CHD7: variants seen among roughly 807,000 people sequenced by gnomAD.
The protein encoded by CHD7 is chromodomain helicase DNA binding protein 7, also known as ATP-dependent chromatin remodeler CHD7.
Under a neutral mutation model 307.3 loss-of-function variants are expected in CHD7, and 24 were observed. That is an observed-to-expected ratio of 0.08 (90% CI 0.06 to 0.11). The LOEUF (loss-of-function observed/expected upper bound fraction) is 0.11. CHD7 is among the 10% of genes least tolerant of loss of function. The probability of loss-of-function intolerance (pLI) is 1.00; values close to 1 mark genes in which losing one functional copy is unlikely to be tolerated. For synonymous variants in CHD7, 1,363 were observed against 1,349.9 expected (o/e 1.01, Z -0.21); for missense variants, 3,106 against 3,727.1 (o/e 0.83, Z 4.34).
chr8:60,679,082 G>T lies in CHD7; in HGVS notation c.-175G>T. ...GGCAGCGGAGGAGCCCGACCGACCC[G>T]GTGAGCGCGAGAGTTCGCCCGGCGC... On this transcript the variant is annotated splice_region_variant and 5_prime_UTR_variant, in exon 1 of 38. Coordinates refer to ENST00000423902, the MANE Select transcript of CHD7 (RefSeq NM_017780.4). 1 of 153,020 alleles carries T rather than the reference G, an allele frequency of 6.5e-6. No individual in the cohort carries two copies. The highest frequency in any genetic ancestry group is 1.8e-4 in the South Asian group (1 of 5,622). The allele number at this position is 153,020 out of a possible 1,614,324, so 9.5% of individuals were successfully genotyped here. A position where few individuals can be genotyped will look rare whatever the true frequency, so the allele number is the denominator to read the frequency against.
chr8:60,682,858 A>G (rs1255006890), intron 1 of CHD7, among the ~76,000 whole-genome samples: 1 of 152,264 alleles, frequency 6.6e-6, no homozygotes, highest in African/African-American at 2.4e-5. Flanking sequence ...ATGTTTAGTC[A>G]GGTCTGAGCA....
rs372889781 is a variant in CHD7 at position 60,865,657 on chromosome 8, C to T, written c.8718C>T (p.Ser2906=). ...STMAPGLFYP[S]MFLPPGLGGL... ...TGGCCCCGGGCCTCTTCTACCCATC[C>T]ATGTTTCTACCTCCAGGACTGGGGG... Residue 2906 remains serine (S), a synonymous_variant, in exon 38 of 38, where the codon TCC becomes TCT. Coordinates refer to ENST00000423902, the MANE Select transcript of CHD7 (RefSeq NM_017780.4). The surrounding 1 kb of genome is among the most constrained non-coding windows in gnomAD (Gnocchi z 4.3). 233 of 1,608,540 alleles carry T rather than the reference C, an allele frequency of 1.4e-4. No homozygotes were observed. Among genetic ancestry groups the T allele is most frequent in the Non-Finnish European group, 1.8e-4 (213 of 1,176,052 alleles).
chr8:60,720,695 C>G (rs1196549537), intron 1 of CHD7, among the ~76,000 whole-genome samples: 1 of 152,224 alleles, frequency 6.6e-6, no homozygotes, highest in East Asian at 1.9e-4. Flanking sequence ...AAAGCAGTCT[C>G]AGGGATTATT....
rs1315843946 is a variant in CHD7 at position 60,749,462 on chromosome 8, G to A, written c.1665+6365G>A. 2.0e-5 allele frequency among the ~76,000 whole-genome samples: 3 copies of A among 151,464 alleles called. No individual in the cohort carries two copies. In the East Asian group the frequency reaches 5.8e-4, roughly 29 times the overall value. ...AGTAAATTTATGGAAAAAGGTGGCTGTGTTTCTTAAGGATTACGTATGCAG... is the reference window on the plus strand; with the variant it reads ...AGTAAATTTATGGAAAAAGGTGGCTATGTTTCTTAAGGATTACGTATGCAG... On this transcript the variant is annotated intron_variant, in intron 2 of 37. Transcript: ENST00000423902.
chr8:60,790,370 A>G (rs11993896), intron 3 of CHD7, among the ~76,000 whole-genome samples: 118,482 of 152,114 alleles, frequency 0.78, 46,364 homozygotes, highest in East Asian at 0.94. Context: ...ATTATCAGTA[A>G]TGATGTGAGA....
chr8:60,767,034 A>G (rs1194639270), intron 2 of CHD7, among the ~76,000 whole-genome samples: 1 of 152,166 alleles, frequency 6.6e-6, no homozygotes, highest in African/African-American at 2.4e-5. Flanking sequence ...AGCCTGGAAG[A>G]TAGGAGGAGA....
intron 1 of CHD7, among the ~76,000 whole-genome samples, chr8:60,696,268 GA>G (rs1806461975): frequency 6.6e-6 from 1 of 152,144 alleles, no homozygotes; most frequent in Admixed American, 6.5e-5. Flanking sequence ...AAGACTAGGG[GA>G]AATACATCAA....
At position 60,865,234 on chromosome 8, in the gene CHD7, G is replaced by C. The variant is rs375083875; in HGVS notation, c.8295G>C (p.Gln2765His). The C allele has an allele frequency of 2.5e-6, 4 of 1,608,570 alleles. No homozygotes were observed. The African/African-American group carries it at 5.3e-5, about 21-fold the overall frequency. Residue 2765 changes from glutamine (Q) to histidine (H), a missense_variant, in exon 38 of 38, where the codon CAG becomes CAC. This residue lies in a region of CHD7 where 351 missense variants were observed against 366.2 expected (regional missense o/e 0.96). Coordinates refer to ENST00000423902, the MANE Select transcript of CHD7 (RefSeq NM_017780.4). This position sits in a 1 kb window ranked among gnomAD's most constrained non-coding sequence, Gnocchi z 4.3. Reference protein sequence around the residue: ...LTSLQNLQNLQSLQLAGLMGF... With the variant: ...LTSLQNLQNLHSLQLAGLMGF... ...GCCTTCAGAATCTCCAGAATCTCCA[G>C]TCGCTCCAGCTGGCAGGCCTCATGG...
chr8:60,797,879 C>T (rs1812106021), intron 4 of CHD7, among the ~76,000 whole-genome samples: 1 of 152,194 alleles, frequency 6.6e-6, no homozygotes, highest in African/African-American at 2.4e-5. Flanking sequence ...TACAAGGTAA[C>T]TGGGCCATTT....
chr8:60,701,478 T>C (rs1251834298), intron 1 of CHD7, among the ~76,000 whole-genome samples: 2 of 152,238 alleles, frequency 1.3e-5, no homozygotes, highest in African/African-American at 4.8e-5. Flanking sequence ...ATCTGCTAGT[T>C]TTAATGGAAA....
At chr8:60,809,149 CTTG>C (rs1355664527) in intron 7 of CHD7, among the ~76,000 whole-genome samples, 1 of 152,258 alleles carries the variant, frequency 6.6e-6, no homozygotes, top group East Asian at 1.9e-4. Flanking sequence ...GTCATTCTCT[CTTG>C]TTGTAGTTGG....
intron 1 of CHD7, among the ~76,000 whole-genome samples, chr8:60,731,291 A>C (rs1808444168): frequency 6.6e-6 from 1 of 152,264 alleles, no homozygotes; most frequent in South Asian, 2.1e-4. Context: ...GTAAGAATGA[A>C]TCTTCTATCA....
intron 1 of CHD7, among the ~76,000 whole-genome samples, chr8:60,733,739 A>ATTTT (rs151046956): frequency 2.2e-4 from 34 of 152,192 alleles, no homozygotes; most frequent in Non-Finnish European, 3.8e-4. Flanking sequence ...TTGAAAGGAA[A>ATTTT]CGTTAGCCTC....
chr8:60,744,237 T>C (rs951927880), intron 2 of CHD7, among the ~76,000 whole-genome samples: 10 of 152,078 alleles, frequency 6.6e-5, no homozygotes, highest in African/African-American at 9.7e-5. Flanking sequence ...GGCCAGATTG[T>C]TGTGATCTTG....
chr8:60,768,488 A>G (rs979747565), intron 2 of CHD7, among the ~76,000 whole-genome samples: 8 of 152,246 alleles, frequency 5.3e-5, no homozygotes, highest in Admixed American at 2.6e-4. Flanking sequence ...CAGCCCTGCA[A>G]TACCATGGGC....
At chr8:60,728,031 G>GTGAGC (rs1808259096) in intron 1 of CHD7, among the ~76,000 whole-genome samples, 1 of 152,200 alleles carries the variant, frequency 6.6e-6, no homozygotes, top group Non-Finnish European at 1.5e-5. Flanking sequence ...GAACTCCTGT[G>GTGAGC]TGAGCTCTTG....
Position 60,867,744 on chromosome 8 carries a change from A to G in CHD7, c.*1811A>G, listed in dbSNP as rs1051032619. On this transcript the variant is annotated 3_prime_UTR_variant, in exon 38 of 38. Coordinates refer to ENST00000423902, the MANE Select transcript of CHD7 (RefSeq NM_017780.4). Reference sequence around the variant, plus strand: ...TTCGTTTATGCCCCAAGATGAAAATATGCCCCTTAATGATTCTGGGAAAGA... The same window carrying G: ...TTCGTTTATGCCCCAAGATGAAAATGTGCCCCTTAATGATTCTGGGAAAGA... 2.0e-5 allele frequency: 3 copies of G among 152,188 alleles called. No homozygotes were observed. The highest frequency in any genetic ancestry group is 7.2e-5 in the African/African-American group (3 of 41,434). The allele number at this position is 152,188 out of a possible 1,614,324, so 9.4% of individuals were successfully genotyped here.
chr8:60,739,407 T>G (rs970637758), intron 1 of CHD7, among the ~76,000 whole-genome samples: 1 of 152,248 alleles, frequency 6.6e-6, no homozygotes, highest in Non-Finnish European at 1.5e-5. Flanking sequence ...GGAGTGTATT[T>G]AAGAATATTT....
intron 3 of CHD7, among the ~76,000 whole-genome samples, chr8:60,792,602 G>A (rs564823383): frequency 1.3e-5 from 2 of 152,278 alleles, no homozygotes; most frequent in African/African-American, 2.4e-5. Context: ...AGCTATCTTG[G>A]AGGTTCCATA....
Sources: gnomAD v4.1 joint callset for allele counts (sites outside exome capture counted in the v4.1 genomes callset) on GRCh38, gnomAD v4.1.1 for gene constraint, gnomAD v4.1.1 regional missense constraint, Gnocchi (gnomAD v3.1) non-coding constraint, MANE v1.5 for transcripts, NCBI Gene and HGNC (gene_info 2026-07-23, HGNC 2026-07-21) for gene names.